Variants in CPPED1 observed in about 807,000 individuals in gnomAD.
CPPED1 encodes the protein serine/threonine-protein phosphatase CPPED1.
A neutral mutation model predicts 28.0 loss-of-function variants in CPPED1; 28 were observed. The ratio of observed to expected loss-of-function variants is 1.00; its 90% confidence interval spans 0.74 to 1.37. CPPED1 has a LOEUF of 1.37. Ranked by LOEUF, CPPED1 falls within the 40% of genes most tolerant of loss-of-function variation. The pLI is 0.00. For synonymous variants in CPPED1, 198 were observed against 180.2 expected (o/e 1.10, Z -0.79); for missense variants, 504 against 416.5 (o/e 1.21, Z -1.83).
At chr16:12,679,745 CA>C (rs1381748790) in intron 3 of CPPED1, among the ~76,000 whole-genome samples, 3 of 152,160 alleles carry the variant, frequency 2.0e-5, no homozygotes. Flanking sequence ...TACCCCAAAA[CA>C]TGGCACTTTG....
intron 1 of CPPED1, among the ~76,000 whole-genome samples, chr16:12,798,063 G>T (rs2080638040): frequency 6.6e-6 from 1 of 152,258 alleles, no homozygotes; most frequent in East Asian, 1.9e-4. Flanking sequence ...CAGCCTGGGT[G>T]ACAGAGCAAG....
chr16:12,769,402 G>A (rs1254636669), intron 2 of CPPED1, among the ~76,000 whole-genome samples: 2 of 152,062 alleles, frequency 1.3e-5, no homozygotes, highest in African/African-American at 4.8e-5. Flanking sequence ...AGGAATCCGA[G>A]GCACAAAATG....
Position 12,665,117 on chromosome 16 carries a change from T to G in CPPED1, c.716-2A>C, listed in dbSNP as rs1418720544. The G allele has an allele frequency of 6.3e-7, 1 of 1,588,862 alleles. No homozygotes were observed. Among genetic ancestry groups the G allele is most frequent in the African/African-American group, 1.4e-5 (1 of 73,060 alleles). On this transcript the variant is annotated splice_acceptor_variant, in intron 3 of 3. Coordinates refer to ENST00000381774, the MANE Select transcript of CPPED1 (RefSeq NM_018340.3). LOFTEE classifies it high-confidence loss of function. ...GGCCTGAGAACACGACTTTGACACCTGCAGAGAAGGGAAAAAGTCATTAGG... is the reference window on the plus strand; with the variant it reads ...GGCCTGAGAACACGACTTTGACACCGGCAGAGAAGGGAAAAAGTCATTAGG...
At chr16:12,722,384 G>A (rs906877153) in intron 2 of CPPED1, among the ~76,000 whole-genome samples, 3 of 152,238 alleles carry the variant, frequency 2.0e-5, no homozygotes, top group African/African-American at 4.8e-5. Flanking sequence ...GCAGCCAGAC[G>A]AATGACAGTT....
intron 3 of CPPED1, among the ~76,000 whole-genome samples, chr16:12,667,054 C>G (rs1650997): frequency 2.6e-4 from 39 of 149,728 alleles, no homozygotes; most frequent in African/African-American, 4.4e-4. Flanking sequence ...TGGTCCTGAA[C>G]GGGGGTGGGG....
At chr16:12,715,356 C>T (rs143216067) in intron 2 of CPPED1, among the ~76,000 whole-genome samples, 1 of 152,230 alleles carries the variant, frequency 6.6e-6, no homozygotes, top group East Asian at 1.9e-4. Flanking sequence ...AGGTCCAACA[C>T]TTAAGCAGCT....
intron 2 of CPPED1, among the ~76,000 whole-genome samples, chr16:12,769,337 T>C (rs930745955): frequency 6.6e-6 from 1 of 152,148 alleles, no homozygotes; most frequent in Admixed American, 6.6e-5. Flanking sequence ...CTTTATTTTG[T>C]GTATTTAGAA....
At chr16:12,746,276 G>T (rs1359943473) in intron 2 of CPPED1, among the ~76,000 whole-genome samples, 1 of 149,742 alleles carries the variant, frequency 6.7e-6, no homozygotes, top group Non-Finnish European at 1.5e-5. Flanking sequence ...TTGGGAGGCT[G>T]AAGCAGGAAA....
chr16:12,696,281 C>T (rs138845758), intron 3 of CPPED1, among the ~76,000 whole-genome samples: 25 of 152,150 alleles, frequency 1.6e-4, no homozygotes, highest in East Asian at 5.8e-4. Context: ...GCAAGAAGGA[C>T]GCCAGCACCC....
rs190825661 is a variant in CPPED1, at chr16:12,717,191, T to G, written c.290-12142A>C. ...CAGAGTAATAAAAAGAACTTGGGTT[T>G]CTGAAGCACCAACTATGTACCAGGC... is the stretch of plus-strand genomic sequence containing the variant. On this transcript the variant is annotated intron_variant, in intron 2 of 3. Transcript: ENST00000381774. Among the ~76,000 whole-genome samples the G allele has an allele frequency of 2.5e-4, 38 of 152,322 alleles. No homozygotes were observed. In the East Asian group the frequency reaches 3.7e-3, roughly 15 times the overall value.
chr16:12,752,327 G>A (rs942580589), intron 2 of CPPED1, among the ~76,000 whole-genome samples: 1 of 151,992 alleles, frequency 6.6e-6, no homozygotes, highest in Non-Finnish European at 1.5e-5. Context: ...TCACTGTTAG[G>A]GGTTTAATGA....
At chr16:12,745,511 T>C (rs570159258) in intron 2 of CPPED1, among the ~76,000 whole-genome samples, 1 of 152,358 alleles carries the variant, frequency 6.6e-6, no homozygotes, top group East Asian at 1.9e-4. Flanking sequence ...AACGAGATCA[T>C]GTCTTTTGCA....
At chr16:12,790,132 C>T (rs779228345) in intron 1 of CPPED1, among the ~76,000 whole-genome samples, 75 of 152,304 alleles carry the variant, frequency 4.9e-4, no homozygotes, top group African/African-American at 7.9e-4. Flanking sequence ...GAAGAATTCA[C>T]GCAATGCTTT....
chr16:12,669,065 T>C (rs924607437), intron 3 of CPPED1, among the ~76,000 whole-genome samples: 77 of 152,214 alleles, frequency 5.1e-4, no homozygotes, highest in African/African-American at 1.8e-3. Flanking sequence ...GAGCCTAAAA[T>C]ACGGAAGCAA....
Position 12,673,226 on chromosome 16 carries a change from C to T in CPPED1, c.716-8111G>A, listed in dbSNP as rs560813662. 1.6e-4 allele frequency among the ~76,000 whole-genome samples: 24 copies of T among 152,126 alleles called. No homozygotes were observed. In the South Asian group the frequency reaches 3.3e-3, roughly 21 times the overall value. On this transcript the variant is annotated intron_variant, in intron 3 of 3. Transcript: ENST00000381774. ...GCTCCAATCGTACAGACTGCAGGGG[C>T]GGTGGAAATGACTGCCTCCTCTGTG...
chr16:12,778,273 CTTTCTTTTTTTT>C (rs1323317815), intron 2 of CPPED1, among the ~76,000 whole-genome samples: 1 of 123,574 alleles, frequency 8.1e-6, no homozygotes, highest in Non-Finnish European at 1.7e-5. Context: ...TTCTTTCTTT[CTTTCTTTTTTTT>C]TTTTTTTTTG....
At chr16:12,753,565 G>C (rs909404185) in intron 2 of CPPED1, among the ~76,000 whole-genome samples, 6 of 152,018 alleles carry the variant, frequency 3.9e-5, no homozygotes, top group African/African-American at 1.4e-4. Flanking sequence ...TCCATGCCTA[G>C]ACCCTCCCCT....
At chr16:12,728,615 C>T (rs1055100747) in intron 2 of CPPED1, among the ~76,000 whole-genome samples, 1 of 152,206 alleles carries the variant, frequency 6.6e-6, no homozygotes, top group East Asian at 1.9e-4. Flanking sequence ...AGGCACTGAG[C>T]ACTTTACTTG....
intron 1 of CPPED1, among the ~76,000 whole-genome samples, chr16:12,788,664 C>A (rs2080578482): frequency 6.6e-6 from 1 of 152,216 alleles, no homozygotes; most frequent in Admixed American, 6.5e-5. Context: ...AAGAGCTATT[C>A]AGAACCTCAG....
Sources: allele counts gnomAD v4.1 joint callset (sites outside exome capture counted in the v4.1 genomes callset), GRCh38; gene constraint gnomAD v4.1.1; transcripts MANE v1.5; gene names NCBI Gene and HGNC (gene_info 2026-07-23, HGNC 2026-07-21).